The following DOCK9 variants were observed in gnomAD, a reference collection of about 807,000 sequenced individuals.
DOCK9 encodes dedicator of cytokinesis 9.
DOCK9 carries 89 observed loss-of-function variants against 263.3 expected under a neutral mutation model. The ratio of observed to expected loss-of-function variants is 0.34; its 90% CI spans 0.28 to 0.40. The LOEUF is 0.40. Among genes scored for constraint, DOCK9 ranks in the 10% least tolerant of loss-of-function variants. The pLI is 1.00. For missense variants in DOCK9, 2,140 were observed against 2,603.4 expected (o/e 0.82, Z 3.87); for synonymous variants, 976 against 973.1 (o/e 1.00, Z -0.06).
chr13:98,904,991 C>A (rs1374007688), intron 9 of DOCK9, among the ~76,000 whole-genome samples: 1 of 152,146 alleles, frequency 6.6e-6, no homozygotes, highest in East Asian at 1.9e-4. Flanking sequence ...ATCTGTGTGT[C>A]AAGAAAGGCT....
upstream of DOCK9, chr13:99,088,537 C>T (rs2042395792): frequency 6.6e-6 from 1 of 152,228 alleles, no homozygotes; most frequent in African/African-American, 2.4e-5. Flanking sequence ...AACTTTTCCC[C>T]TCTTGTTACC....
At chr13:98,885,902 T>G in intron 19 of DOCK9, 71 bp from the exon 20 acceptor site, 3 of 1,484,988 alleles carry the variant, frequency 2.0e-6, no homozygotes, top group Non-Finnish European at 2.7e-6. Flanking sequence ...GCAGAGACAG[T>G]ATGTGTTACC....
At chr13:98,855,684 C>G (rs1228164119) in intron 34 of DOCK9, among the ~76,000 whole-genome samples, 1 of 152,142 alleles carries the variant, frequency 6.6e-6, no homozygotes, top group Non-Finnish European at 1.5e-5. Flanking sequence ...CACTGCAAAC[C>G]CTGCCCAGGA....
At chr13:98,890,445 C>T (rs2046444655) in intron 15 of DOCK9, among the ~76,000 whole-genome samples, 1 of 152,218 alleles carries the variant, frequency 6.6e-6, no homozygotes, top group Non-Finnish European at 1.5e-5. Context: ...CACTCCTCTA[C>T]TACACAAGCT....
intron 1 of DOCK9, among the ~76,000 whole-genome samples, chr13:98,964,998 C>A (rs144687119): frequency 6.6e-6 from 1 of 152,318 alleles, no homozygotes; most frequent in East Asian, 1.9e-4. Flanking sequence ...AGTCTCTCCT[C>A]TGAAGTAAGC....
chr13:99,075,630 G>A (rs1035324478), intron 1 of DOCK9, among the ~76,000 whole-genome samples: 1 of 151,466 alleles, frequency 6.6e-6, no homozygotes, highest in Non-Finnish European at 1.5e-5. Flanking sequence ...CTCCCAAAGT[G>A]CTGTGATTAC....
In DOCK9 at chr13:98,829,481, C is replaced by T. The variant is rs1419013306; in HGVS notation, c.4791G>A (p.Arg1597=). ...CGGTGGCCATTAGCACCGTGCGTATCCTTTTGGTTAAGTCCTTCACATCAG... is the reference window on the plus strand; with the variant it reads ...CGGTGGCCATTAGCACCGTGCGTATTCTTTTGGTTAAGTCCTTCACATCAG... ...FSSDVKDLTK[R]IRTVLMATAQ... is the part of the protein sequence containing the mutation. The change falls in exon 43 of 53, where the codon AGG becomes AGA. Residue 1597 remains arginine (R), a synonymous_variant. Transcript: ENST00000682017. This position sits in a 1 kb window ranked among gnomAD's most constrained non-coding sequence, Gnocchi z 4.1. 1 of 1,613,760 alleles carries T rather than the reference C, an allele frequency of 6.2e-7. No homozygotes were observed. The highest frequency in any genetic ancestry group is 8.5e-7 in the Non-Finnish European group (1 of 1,179,868).
At chr13:98,933,865 CTGTTGTTGTTGTTGT>C (rs71724333) in intron 2 of DOCK9, among the ~76,000 whole-genome samples, 29,511 of 148,922 alleles carry the variant, frequency 0.2, 3,010 homozygotes, top group South Asian at 0.3. Flanking sequence ...AACCTAGCCT[CTGTTGTTGTTGTTGT>C]TGTTGTTGTT....
intron 13 of DOCK9, among the ~76,000 whole-genome samples, chr13:98,899,815 A>G (rs529756390): frequency 6.6e-6 from 1 of 152,382 alleles, no homozygotes; most frequent in Non-Finnish European, 1.5e-5. Flanking sequence ...GGGAGCAAAT[A>G]GAACACAGTA....
chr13:98,887,135 ATATATATATTTTTTTTTT>A (rs2045837952), intron 18 of DOCK9, among the ~76,000 whole-genome samples: 1 of 57,688 alleles, frequency 1.7e-5, no homozygotes, highest in South Asian at 7.1e-4. Flanking sequence ...TTATATATAT[ATATATATATTTTTTTTTT>A]TTTTTTTTTT....
chr13:98,971,932 C>A (rs2059776173), intron 1 of DOCK9, among the ~76,000 whole-genome samples: 1 of 152,196 alleles, frequency 6.6e-6, no homozygotes, highest in Non-Finnish European at 1.5e-5. Flanking sequence ...ATAAACTGGC[C>A]TTTCTCTAAC....
At chr13:99,075,151 A>G (rs55881213) in intron 1 of DOCK9, among the ~76,000 whole-genome samples, 4,017 of 152,186 alleles carry the variant, frequency 0.026, 166 homozygotes, top group African/African-American at 0.091. Flanking sequence ...GTAAATGATA[A>G]AATAGACTAG....
intron 38 of DOCK9, among the ~76,000 whole-genome samples, chr13:98,840,922 C>T (rs1460114376): frequency 6.6e-6 from 1 of 152,168 alleles, no homozygotes; most frequent in African/African-American, 2.4e-5. Context: ...GCTGAAAGAA[C>T]TCTCCAAATG....
chr13:98,800,990 T>C (rs2090047999), intron 49 of DOCK9, among the ~76,000 whole-genome samples: 2 of 152,174 alleles, frequency 1.3e-5, no homozygotes, highest in Admixed American at 6.5e-5. Context: ...AGTAAGAATA[T>C]ATTCCTAGGG....
intron 1 of DOCK9, among the ~76,000 whole-genome samples, chr13:99,055,453 G>C (rs994884493): frequency 6.6e-6 from 1 of 152,182 alleles, no homozygotes; most frequent in Non-Finnish European, 1.5e-5. Flanking sequence ...CCAGTGCGGG[G>C]AAGGGGGCAT....
intron 1 of DOCK9, among the ~76,000 whole-genome samples, chr13:99,078,733 C>T (rs1337073040): frequency 1.3e-5 from 2 of 152,196 alleles, no homozygotes; most frequent in Non-Finnish European, 2.9e-5. Flanking sequence ...AAATATACAA[C>T]AGGAAGAAAA....
chr13:98,917,138 T>C (rs2051017414), intron 7 of DOCK9, among the ~76,000 whole-genome samples: 2 of 152,302 alleles, frequency 1.3e-5, no homozygotes, highest in South Asian at 2.1e-4. Context: ...ACCTTAGATT[T>C]TGAAATGCAC....
upstream of DOCK9, among the ~76,000 whole-genome samples, chr13:99,087,114 C>T (rs537754729): frequency 2.8e-3 from 419 of 152,240 alleles, 2 homozygotes; most frequent in African/African-American, 9.2e-3. Context: ...ATTTATGTGG[C>T]ACCGATCGGA....
intron 1 of DOCK9, among the ~76,000 whole-genome samples, chr13:98,987,611 CT>C (rs1173917569): frequency 2.6e-5 from 4 of 152,226 alleles, no homozygotes; most frequent in Non-Finnish European, 5.9e-5. Context: ...GAAGTCAATA[CT>C]TTTTTATTAT....
Sources: allele counts gnomAD v4.1 joint callset (sites outside exome capture counted in the v4.1 genomes callset), GRCh38; gene constraint gnomAD v4.1.1; non-coding constraint Gnocchi (gnomAD v3.1); transcripts MANE v1.5; gene names NCBI Gene and HGNC (gene_info 2026-07-23, HGNC 2026-07-21).